The following SPEN variants were observed in gnomAD, a reference collection of about 807,000 sequenced individuals.
The protein encoded by SPEN is spen family transcriptional repressor.
A neutral mutation model predicts 269.9 loss-of-function variants in SPEN; 18 were observed. That is an observed-to-expected ratio of 0.07 (90% CI 0.05 to 0.10). The LOEUF (loss-of-function observed/expected upper bound fraction) is 0.10, where lower values mean the gene tolerates loss of function less well. Ranked by LOEUF, SPEN falls within the 10% of genes least tolerant of loss-of-function variation. The pLI is 1.00. For missense variants in SPEN, 3,822 were observed against 4,631.2 expected (o/e 0.83, Z 5.07); for synonymous variants, 1,726 against 1,765.7 (o/e 0.98, Z 0.56).
chr1:15,869,845 T>G (rs2070555215), intron 1 of SPEN, among the ~76,000 whole-genome samples: 1 of 152,006 alleles, frequency 6.6e-6, no homozygotes, highest in African/African-American at 2.4e-5. Context: ...TATTTGCTCT[T>G]TGCTTTTTGT....
Position 15,929,648 on chromosome 1 carries a change from T to G in SPEN, c.3408T>G (p.Leu1136=). 6.2e-7 allele frequency: 1 copy of G among 1,614,160 alleles called. No homozygotes were observed. Among genetic ancestry groups the G allele is most frequent in the South Asian group, 1.1e-5 (1 of 91,076 alleles). ...REDVRKNYCS[L]RDETPERKSG... ...ACGTTAGGAAAAACTATTGCAGTCT[T>G]CGTGATGAAACACCTGAACGTAAAT... Residue 1136 remains leucine, a synonymous_variant, in exon 11 of 15, where the codon CTT becomes CTG. Coordinates refer to ENST00000375759, the MANE Select transcript of SPEN (RefSeq NM_015001.3). This position sits in a 1 kb window ranked among gnomAD's most constrained non-coding sequence, Gnocchi z 5.8.
At chr1:15,879,912 C>T (rs562650295) in intron 3 of SPEN, among the ~76,000 whole-genome samples, 2 of 152,156 alleles carry the variant, frequency 1.3e-5, no homozygotes, top group South Asian at 2.1e-4. Context: ...CCTCGCCATC[C>T]GCCCGCCTCG....
At chr1:15,901,877 AG>A (rs761897175) in intron 3 of SPEN, among the ~76,000 whole-genome samples, 2 of 151,176 alleles carry the variant, frequency 1.3e-5, no homozygotes, top group Non-Finnish European at 2.9e-5. Flanking sequence ...TATTTTAGTG[AG>A]AATGACGTTT....
chr1:15,860,993 C>T (rs1476213374), intron 1 of SPEN, among the ~76,000 whole-genome samples: 1 of 152,064 alleles, frequency 6.6e-6, no homozygotes, highest in Non-Finnish European at 1.5e-5. Flanking sequence ...CAATCTCTGC[C>T]TCCTGGGTTC....
intron 13 of SPEN, 134 bp from the exon 14 acceptor site, chr1:15,938,584 T>A: frequency 2.1e-5 from 8 of 380,380 alleles, no homozygotes; most frequent in East Asian, 2.0e-4. Context: ...TTTTTTTTTT[T>A]CATTCAAATA....
chr1:15,900,580 GCTT>G (rs772771349), intron 3 of SPEN, among the ~76,000 whole-genome samples: 3 of 152,162 alleles, frequency 2.0e-5, no homozygotes, highest in Non-Finnish European at 2.9e-5. Context: ...TTAGATCTCA[GCTT>G]CTTCTTGAGG....
chr1:15,850,200 C>T (rs2148699811), intron 1 of SPEN, among the ~76,000 whole-genome samples: 1 of 152,118 alleles, frequency 6.6e-6, no homozygotes, highest in South Asian at 2.1e-4. Context: ...GAGGAGGGGG[C>T]GGAGGATTCG....
chr1:15,918,875 TA>T, intron 6 of SPEN, 50 bp from the exon 7 acceptor site: 1 of 1,502,338 alleles, frequency 6.7e-7, no homozygotes, highest in Non-Finnish European at 9.1e-7. Context: ...TGGTTCATTC[TA>T]ATTTATTTTC....
rs57313179 is a variant in SPEN, at chr1:15,878,747, C to T, written c.881+2069C>T. On this transcript the variant is annotated intron_variant, in intron 3 of 14. Transcript: ENST00000375759. ...AGGCACTGGGCGTGTGGCTCACTCA[C>T]GCCTGTAATCCCAGCACTTTGGGAG... Among the ~76,000 whole-genome samples, 1,134 of 152,214 alleles carry T rather than the reference C, an allele frequency of 7.5e-3. 24 individuals are homozygous for T. The highest frequency in any genetic ancestry group is 0.025 in the African/African-American group (1,045 of 41,526).
intron 1 of SPEN, among the ~76,000 whole-genome samples, chr1:15,867,056 CAG>C (rs1211458179): frequency 1.3e-5 from 2 of 152,178 alleles, no homozygotes; most frequent in African/African-American, 2.4e-5. Context: ...AATATATTCA[CAG>C]AGTTGCGCAA....
rs551680353 is a variant in SPEN, at chr1:15,880,811, T to C, written c.881+4133T>C. ...AGAACAGTGAGATAAATCTTTTGAC[T>C]GCTGGGAAGACCTGATAGGTAGCAT... On this transcript the variant is annotated intron_variant, in intron 3 of 14. Coordinates refer to ENST00000375759, the MANE Select transcript of SPEN (RefSeq NM_015001.3). Among the ~76,000 whole-genome samples, 24 of 152,260 alleles carry C rather than the reference T, an allele frequency of 1.6e-4. No individual in the cohort carries two copies. The South Asian group carries it at 5.0e-3, about 32-fold the overall frequency.
intron 3 of SPEN, among the ~76,000 whole-genome samples, chr1:15,885,366 T>C (rs958472405): frequency 2.6e-5 from 4 of 152,218 alleles, no homozygotes; most frequent in Non-Finnish European, 5.9e-5. Context: ...AAATTAGTGT[T>C]ATGATTAAAA....
chr1:15,899,219 G>T (rs1158929479), intron 3 of SPEN, among the ~76,000 whole-genome samples: 4 of 152,090 alleles, frequency 2.6e-5, no homozygotes, highest in Non-Finnish European at 5.9e-5. Context: ...CATCTAGGCT[G>T]CAGTGTAGTG....
At chr1:15,862,557 C>T (rs2070458423) in intron 1 of SPEN, among the ~76,000 whole-genome samples, 1 of 152,176 alleles carries the variant, frequency 6.6e-6, no homozygotes, top group Non-Finnish European at 1.5e-5. Flanking sequence ...CTAAAGATTA[C>T]AGAAACTTTG....
At chr1:15,849,792 T>A (rs1178558875) in intron 1 of SPEN, among the ~76,000 whole-genome samples, 2 of 151,906 alleles carry the variant, frequency 1.3e-5, no homozygotes, top group African/African-American at 4.8e-5. Flanking sequence ...GATGGAAAAA[T>A]CATTTAGGTG....
Position 15,929,459 on chromosome 1 carries a change from T to C in SPEN, c.3219T>C (p.Ser1073=), listed in dbSNP as rs776885507. 2 of 1,613,366 alleles carry C rather than the reference T, an allele frequency of 1.2e-6. No individual in the cohort carries two copies. Among genetic ancestry groups the C allele is most frequent in the Non-Finnish European group, 1.7e-6 (2 of 1,179,660 alleles). ...ACTGTCAGGAGCTTGCCAGTATTTC[T>C]GTTGGGTCTGGCTCAAGGCCCAGCT... ...PKDCQELASI[S]VGSGSRPSSD... is the part of the protein sequence containing the mutation. Residue 1073 remains serine (S), a synonymous_variant, in exon 11 of 15, where the codon TCT becomes TCC. Coordinates refer to ENST00000375759, the MANE Select transcript of SPEN (RefSeq NM_015001.3). The surrounding 1 kb of genome is among the most constrained non-coding windows in gnomAD (Gnocchi z 5.8).
chr1:15,895,232 C>G (rs1187705366), intron 3 of SPEN, among the ~76,000 whole-genome samples: 1 of 152,082 alleles, frequency 6.6e-6, no homozygotes, highest in African/African-American at 2.4e-5. Context: ...CTCATTTTAA[C>G]CATTTTTAAG....
rs183693347 is a variant in SPEN at position 15,890,862 on chromosome 1, C to A, written c.881+14184C>A. On this transcript the variant is annotated intron_variant, in intron 3 of 14. Coordinates refer to ENST00000375759, the MANE Select transcript of SPEN (RefSeq NM_015001.3). Reference sequence around the variant, plus strand: ...GCCATTTAATAGAAGGAAAATCATACCATATTGCGGTCTTTTGTGACTGGT... The same window carrying A: ...GCCATTTAATAGAAGGAAAATCATAACATATTGCGGTCTTTTGTGACTGGT... Among the ~76,000 whole-genome samples, 113 of 152,196 alleles carry A rather than the reference C, an allele frequency of 7.4e-4. 1 individual carries two copies. The highest frequency in any genetic ancestry group is 3.1e-3 in the South Asian group (15 of 4,832).
intron 1 of SPEN, among the ~76,000 whole-genome samples, chr1:15,869,202 G>A (rs1569983775): frequency 2.0e-5 from 3 of 152,076 alleles, no homozygotes; most frequent in East Asian, 3.9e-4. Context: ...GACTGCAGGC[G>A]GGCACCACCA....
Sources: allele counts gnomAD v4.1 joint callset (sites outside exome capture counted in the v4.1 genomes callset), GRCh38; gene constraint gnomAD v4.1.1; non-coding constraint Gnocchi (gnomAD v3.1); transcripts MANE v1.5; gene names NCBI Gene and HGNC (gene_info 2026-07-23, HGNC 2026-07-21).